Variants in ACSBG2 observed in about 807,000 individuals in gnomAD.
ACSBG2 encodes acyl-CoA synthetase bubblegum family member 2.
Under a neutral mutation model 74.7 loss-of-function variants are expected in ACSBG2, and 62 were observed. The ratio of observed to expected loss-of-function variants is 0.83; its 90% CI spans 0.68 to 1.03. The LOEUF (loss-of-function observed/expected upper bound fraction) is 1.03, where lower values mean the gene tolerates loss of function less well. Ranked by LOEUF, ACSBG2 falls within the 50% of genes least tolerant of loss-of-function variation. The probability of loss-of-function intolerance (pLI) is 0.00; values close to 1 mark genes in which losing one functional copy is unlikely to be tolerated. For missense variants in ACSBG2, 730 were observed against 817.6 expected (o/e 0.89, Z 1.31); for synonymous variants, 309 against 294.1 (o/e 1.05, Z -0.52).
At chr19:6,189,842 G>C (rs1240969316) in intron 13 of ACSBG2, 1 of 152,062 alleles carries the variant, frequency 6.6e-6, no homozygotes, top group Non-Finnish European at 1.5e-5. Context: ...CCGAGTAGCT[G>C]GGACTACAGG....
At chr19:6,148,698 G>A (rs955445066) in intron 3 of ACSBG2, among the ~76,000 whole-genome samples, 1 of 151,790 alleles carries the variant, frequency 6.6e-6, no homozygotes, top group Non-Finnish European at 1.5e-5. Flanking sequence ...TCTTCTTGGG[G>A]GCCCCACCTT....
intron 2 of ACSBG2, among the ~76,000 whole-genome samples, chr19:6,146,485 G>A (rs1242965170): frequency 8.6e-6 from 1 of 116,040 alleles, no homozygotes; most frequent in Non-Finnish European, 1.8e-5. Context: ...ATAATAATAG[G>A]CCAGGCGCGG....
At chr19:6,139,582 T>C (rs1253241710) in intron 1 of ACSBG2, among the ~76,000 whole-genome samples, 1 of 152,166 alleles carries the variant, frequency 6.6e-6, no homozygotes, top group East Asian at 1.9e-4. Context: ...TTACTGCAAA[T>C]CTAGAATCCA....
chr19:6,143,428 T>C (rs1568216448), intron 2 of ACSBG2, among the ~76,000 whole-genome samples: 1 of 151,846 alleles, frequency 6.6e-6, no homozygotes, highest in Non-Finnish European at 1.5e-5. Flanking sequence ...ACACCAGTCA[T>C]TGGATTTAGG....
chr19:6,184,851 A>G (rs1246865124), intron 10 of ACSBG2, among the ~76,000 whole-genome samples: 5 of 132,224 alleles, frequency 3.8e-5, no homozygotes, highest in African/African-American at 1.4e-4. Flanking sequence ...AAAAAAAAAA[A>G]AAAAAAAAAA....
chr19:6,155,512 G>A (rs565697893), intron 4 of ACSBG2, among the ~76,000 whole-genome samples: 31 of 152,172 alleles, frequency 2.0e-4, no homozygotes, highest in Admixed American at 5.2e-4. Flanking sequence ...AACAGTTGTC[G>A]AACATGGTGG....
chr19:6,161,191 A>T, intron 5 of ACSBG2, 24 bp from the exon 6 acceptor site: 1 of 1,608,156 alleles, frequency 6.2e-7, no homozygotes, highest in Non-Finnish European at 8.5e-7. Flanking sequence ...GTTGCCATGA[A>T]GCCCACAGGG....
chr19:6,182,926 T>A lies in ACSBG2; in HGVS notation c.1082T>A (p.Met361Lys). Reference sequence around the variant, plus strand: ...GGCTTCAAGGTCAACTCAAAAAAGATGTTGGGGTAGGTGGAGCATCCAGAG... The same window carrying A: ...GGCTTCAAGGTCAACTCAAAAAAGAAGTTGGGGTAGGTGGAGCATCCAGAG... ...NIGFKVNSKK[M>K]LGKYNTPVSY... The change falls in exon 9 of 15, where the codon ATG (methionine) becomes AAG (lysine). Residue 361 changes from methionine to lysine, a missense_variant. By Grantham distance (95) the Met-to-Lys change is moderately conservative. Transcript: ENST00000588485. 6.2e-7 allele frequency: 1 copy of A among 1,613,936 alleles called. No homozygotes were observed. Among genetic ancestry groups the A allele is most frequent in the South Asian group, 1.1e-5 (1 of 91,048 alleles).
chr19:6,177,462 T>G, intron 8 of ACSBG2, 66 bp downstream of exon 8: 1 of 1,489,412 alleles, frequency 6.7e-7, no homozygotes, highest in Admixed American at 2.4e-5. Flanking sequence ...GAGTAGATGG[T>G]TGTTAATCAT....
intron 1 of ACSBG2, among the ~76,000 whole-genome samples, chr19:6,138,662 GA>G (rs61085628): frequency 0.53 from 43,024 of 80,592 alleles, 10,343 homozygotes; most frequent in Admixed American, 0.56. Flanking sequence ...AAGGAAGAAA[GA>G]AAAGGCAGGG....
At chr19:6,175,086 A>G (rs1449579690) in intron 7 of ACSBG2, among the ~76,000 whole-genome samples, 1 of 152,190 alleles carries the variant, frequency 6.6e-6, no homozygotes, top group African/African-American at 2.4e-5. Context: ...ACCATTGTAC[A>G]TCATAGACTA....
At chr19:6,188,903 A>G (rs964438206) in intron 13 of ACSBG2, among the ~76,000 whole-genome samples, 3 of 152,232 alleles carry the variant, frequency 2.0e-5, no homozygotes, top group Non-Finnish European at 4.4e-5. Flanking sequence ...ACTGGTATGC[A>G]GGACTTGAAA....
chr19:6,136,187 G>A (rs1568210445), intron 1 of ACSBG2, among the ~76,000 whole-genome samples: 1 of 151,142 alleles, frequency 6.6e-6, no homozygotes, highest in African/African-American at 2.4e-5. Flanking sequence ...CGCCTCCCAG[G>A]TTCACACCAT....
At chr19:6,181,036 G>A (rs1224905360) in intron 8 of ACSBG2, among the ~76,000 whole-genome samples, 23 of 141,882 alleles carry the variant, frequency 1.6e-4, no homozygotes, top group Non-Finnish European at 2.4e-4. Flanking sequence ...CGTCTCCTCC[G>A]TCTCTACTAA....
At chr19:6,168,399 A>C (rs1361195357) in intron 7 of ACSBG2, among the ~76,000 whole-genome samples, 1 of 151,976 alleles carries the variant, frequency 6.6e-6, no homozygotes, top group African/African-American at 2.4e-5. Context: ...CCCCATTACT[A>C]CCTAATTCCC....
intron 6 of ACSBG2, 64 bp from the exon 7 acceptor site, chr19:6,165,802 G>A (rs745805270): frequency 1.0e-5 from 16 of 1,590,030 alleles, no homozygotes; most frequent in Non-Finnish European, 1.0e-5. Context: ...ATAGGACGAG[G>A]TCTGGCTGGG....
At chr19:6,190,300 G>C in intron 13 of ACSBG2, 1 of 364,006 alleles carries the variant, frequency 2.7e-6, no homozygotes, top group East Asian at 5.7e-5. Context: ...GGTATGGTTT[G>C]AGATGATGAT....
intron 10 of ACSBG2, among the ~76,000 whole-genome samples, chr19:6,183,837 T>G (rs2090328587): frequency 1.3e-5 from 2 of 152,224 alleles, no homozygotes; most frequent in African/African-American, 4.8e-5. Context: ...TCTCACTTTG[T>G]TGCCCAGGCT....
At chr19:6,156,616 GTTCT>G (rs2089429601) in intron 5 of ACSBG2, 65 bp downstream of exon 5, 3 of 1,437,764 alleles carry the variant, frequency 2.1e-6, no homozygotes, top group Non-Finnish European at 2.7e-6. Flanking sequence ...CTGGGCAGGT[GTTCT>G]TTTTTTCCCA....
Sources: gnomAD v4.1 joint callset for allele counts (sites outside exome capture counted in the v4.1 genomes callset) on GRCh38, gnomAD v4.1.1 for gene constraint, MANE v1.5 for transcripts, NCBI Gene and HGNC (gene_info 2026-07-23, HGNC 2026-07-21) for gene names.